CFHR5: variants seen among roughly 807,000 people sequenced by gnomAD.
The protein encoded by CFHR5 is complement factor H-related protein 5.
A neutral mutation model predicts 62.9 loss-of-function variants in CFHR5; 73 were observed. The observed-to-expected ratio is 1.16, with a 90% CI of 0.96 to 1.41. CFHR5 has a LOEUF of 1.41. Ranked by LOEUF, CFHR5 falls within the 40% of genes most tolerant of loss-of-function variation. The probability of loss-of-function intolerance (pLI) is 0.00; values close to 1 mark genes in which losing one functional copy is unlikely to be tolerated. For synonymous variants in CFHR5, 249 were observed against 227.2 expected (o/e 1.10, Z -0.86); for missense variants, 779 against 679.9 (o/e 1.15, Z -1.62).
At chr1:196,982,134 AT>A (rs1390212026) in intron 1 of CFHR5, among the ~76,000 whole-genome samples, 11 of 152,122 alleles carry the variant, frequency 7.2e-5, no homozygotes, top group Non-Finnish European at 1.3e-4. Context: ...AGAAAAAAAA[AT>A]AGGACAGATT....
At chr1:196,981,090 A>G (rs1301162689) in intron 1 of CFHR5, among the ~76,000 whole-genome samples, 12 of 152,150 alleles carry the variant, frequency 7.9e-5, no homozygotes, top group Admixed American at 7.9e-4. Context: ...AATATTGTGC[A>G]ACATTAAATA....
At chr1:196,996,870 A>AAGTAAGT (rs201689895) in intron 6 of CFHR5, among the ~76,000 whole-genome samples, 17 of 151,508 alleles carry the variant, frequency 1.1e-4, no homozygotes, top group South Asian at 8.3e-4. Flanking sequence ...AGTAAGTAGT[A>AAGTAAGT]AGTAAGTAGT....
intron 4 of CFHR5, among the ~76,000 whole-genome samples, chr1:196,995,491 G>A (rs1020754130): frequency 2.0e-5 from 3 of 152,066 alleles, no homozygotes; most frequent in African/African-American, 4.8e-5. Context: ...TGTTCATTAT[G>A]CATTCTTTCT....
At chr1:196,975,522 A>G (rs1378286927), upstream of CFHR5, among the ~76,000 whole-genome samples, 2 of 152,196 alleles carry the variant, frequency 1.3e-5, no homozygotes, top group Admixed American at 6.5e-5. Flanking sequence ...CCATAACAAG[A>G]TAGGAGTAAA....
At chr1:196,981,226 T>A (rs560494109) in intron 1 of CFHR5, among the ~76,000 whole-genome samples, 5 of 152,138 alleles carry the variant, frequency 3.3e-5, no homozygotes, top group Admixed American at 2.0e-4. Context: ...TCAGGAAATA[T>A]CTTGAGCTAA....
intron 2 of CFHR5, among the ~76,000 whole-genome samples, chr1:196,983,505 T>C (rs570094419): frequency 1.3e-5 from 2 of 152,308 alleles, no homozygotes; most frequent in South Asian, 4.1e-4. Flanking sequence ...AATCATTTAT[T>C]TGGTCCTTCA....
intron 1 of CFHR5, among the ~76,000 whole-genome samples, chr1:196,980,565 T>C (rs1653513312): frequency 6.6e-6 from 1 of 150,618 alleles, no homozygotes; most frequent in Non-Finnish European, 1.5e-5. Context: ...CATTATGTGG[T>C]AAATGACTGT....
chr1:197,003,897 G>A (rs1488389380), intron 8 of CFHR5, among the ~76,000 whole-genome samples: 1 of 152,132 alleles, frequency 6.6e-6, no homozygotes, highest in Non-Finnish European at 1.5e-5. Context: ...GAAGAAAGGA[G>A]ATAATTCATG....
intron 3 of CFHR5, among the ~76,000 whole-genome samples, chr1:196,985,734 G>A (rs570744814): frequency 3.9e-5 from 6 of 152,262 alleles, no homozygotes; most frequent in Admixed American, 1.3e-4. Flanking sequence ...AGCTGGCTCT[G>A]TGTACAGTCT....
intron 1 of CFHR5, among the ~76,000 whole-genome samples, chr1:196,981,374 T>C (rs1653536605): frequency 1.3e-5 from 2 of 152,082 alleles, no homozygotes; most frequent in South Asian, 4.2e-4. Flanking sequence ...ATAATACTGA[T>C]AGTGAAGGGG....
chr1:197,005,377 T>C (rs1317327296), intron 9 of CFHR5, among the ~76,000 whole-genome samples: 1 of 152,144 alleles, frequency 6.6e-6, no homozygotes, highest in East Asian at 1.9e-4. Context: ...TCACTATCCC[T>C]TCTTTTCACC....
chr1:196,980,897 T>C (rs1372532660), intron 1 of CFHR5, among the ~76,000 whole-genome samples: 12 of 152,148 alleles, frequency 7.9e-5, no homozygotes, highest in Non-Finnish European at 1.3e-4. Context: ...AATCAAGTAC[T>C]ATAATTTTGC....
intron 1 of CFHR5, among the ~76,000 whole-genome samples, chr1:196,980,783 A>G (rs1185376174): frequency 6.6e-6 from 1 of 152,160 alleles, no homozygotes; most frequent in Non-Finnish European, 1.5e-5. Flanking sequence ...TGGTTATACG[A>G]TGAATGTTGT....
At chr1:196,986,194 G>A (rs549531200) in intron 3 of CFHR5, among the ~76,000 whole-genome samples, 17 of 152,100 alleles carry the variant, frequency 1.1e-4, no homozygotes, top group African/African-American at 2.6e-4. Context: ...TAATGATAGC[G>A]GCACAGTCTG....
chr1:196,986,261 G>A (rs955661911), intron 3 of CFHR5, among the ~76,000 whole-genome samples: 2 of 152,100 alleles, frequency 1.3e-5, no homozygotes, highest in African/African-American at 2.4e-5. Flanking sequence ...GCAGGGATTA[G>A]TATGGCGTCA....
chr1:196,982,287 A>G (rs1486135076), intron 1 of CFHR5, among the ~76,000 whole-genome samples: 1 of 152,202 alleles, frequency 6.6e-6, no homozygotes. Flanking sequence ...CTTCATTCTT[A>G]AATTGTTGTG....
At chr1:197,003,065 A>G (rs897721813) in intron 8 of CFHR5, among the ~76,000 whole-genome samples, 2 of 152,126 alleles carry the variant, frequency 1.3e-5, no homozygotes, top group Non-Finnish European at 2.9e-5. Context: ...TGTTTTGTGG[A>G]AGACAATTTT....
Position 197,002,633 on chromosome 1 carries a change from T to A in CFHR5, c.1299T>A (p.Asp433Glu), listed in dbSNP as rs747935430. Reference sequence around the variant, plus strand: ...AAGCAAAAGAAATTGTATGTAAAGATGGACGATGGCAATCATTACCACGCT... The same window carrying A: ...AAGCAAAAGAAATTGTATGTAAAGAAGGACGATGGCAATCATTACCACGCT... ...LPEAKEIVCKDGRWQSLPRCV... is the reference protein window; with the variant it reads ...LPEAKEIVCKEGRWQSLPRCV... The change falls in exon 8 of 10, where the codon GAT becomes GAA. Residue 433 changes from aspartate (D) to glutamate (E), a missense_variant. Transcript: ENST00000256785. 6.2e-7 allele frequency: 1 copy of A among 1,613,602 alleles called. No individual in the cohort carries two copies. The highest frequency in any genetic ancestry group is 8.5e-7 in the Non-Finnish European group (1 of 1,179,688).
intron 7 of CFHR5, among the ~76,000 whole-genome samples, chr1:197,000,704 C>T (rs975080100): frequency 5.9e-5 from 9 of 152,110 alleles, no homozygotes; most frequent in Non-Finnish European, 1.0e-4. Flanking sequence ...GCAGCACAGG[C>T]CTTGAGGCTC....
Sources: gnomAD v4.1 joint callset for allele counts (sites outside exome capture counted in the v4.1 genomes callset) on GRCh38, gnomAD v4.1.1 for gene constraint, MANE v1.5 for transcripts, NCBI Gene and HGNC (gene_info 2026-07-23, HGNC 2026-07-21) for gene names.